Variants in ADCY8 observed in about 807,000 individuals in gnomAD.
The protein encoded by ADCY8 is adenylate cyclase 8, also known as adenylate cyclase type 8.
ADCY8 carries 51 observed loss-of-function variants against 119.7 expected under a neutral mutation model. The observed-to-expected ratio is 0.43, with a 90% CI of 0.34 to 0.54. The LOEUF (loss-of-function observed/expected upper bound fraction) is 0.54. Among genes scored for constraint, ADCY8 ranks in the 20% least tolerant of loss-of-function variants. The pLI is 0.03. For synonymous variants in ADCY8, 665 were observed against 651.0 expected (o/e 1.02, Z -0.33); for missense variants, 1,383 against 1,598.8 (o/e 0.87, Z 2.30).
intron 7 of ADCY8, among the ~76,000 whole-genome samples, chr8:130,887,853 T>A (rs2130473639): frequency 8.4e-6 from 1 of 119,580 alleles, no homozygotes; most frequent in East Asian, 2.7e-4. Context: ...ACATAAAAAA[T>A]CCATACACTG....
intron 5 of ADCY8, among the ~76,000 whole-genome samples, chr8:130,912,385 T>C (rs1008011818): frequency 6.6e-5 from 10 of 152,312 alleles, no homozygotes; most frequent in Admixed American, 5.9e-4. Context: ...TTTCTATTAA[T>C]GTTCATATAT....
intron 1 of ADCY8, among the ~76,000 whole-genome samples, chr8:131,022,458 T>A (rs1227449703): frequency 7.2e-5 from 11 of 152,232 alleles, no homozygotes. Context: ...GAACTCATCC[T>A]TTTTTATGGT....
chr8:130,833,383 T>C (rs1191487503), intron 12 of ADCY8, among the ~76,000 whole-genome samples: 1 of 152,202 alleles, frequency 6.6e-6, no homozygotes, highest in African/African-American at 2.4e-5. Flanking sequence ...TAGACATTAG[T>C]ATCTGAAGTT....
At chr8:130,799,960 C>T (rs1042441263) in intron 15 of ADCY8, among the ~76,000 whole-genome samples, 3 of 152,206 alleles carry the variant, frequency 2.0e-5, no homozygotes, top group Non-Finnish European at 4.4e-5. Context: ...GTTCACTAGA[C>T]TCATGGAGCC....
chr8:130,873,886 T>A (rs1455084304), intron 8 of ADCY8, among the ~76,000 whole-genome samples: 1 of 152,134 alleles, frequency 6.6e-6, no homozygotes, highest in Non-Finnish European at 1.5e-5. Flanking sequence ...ATTAATATAG[T>A]TGTAAAAGAA....
intron 1 of ADCY8, among the ~76,000 whole-genome samples, chr8:131,026,540 CA>C (rs1344698006): frequency 6.6e-6 from 1 of 152,160 alleles, no homozygotes; most frequent in Non-Finnish European, 1.5e-5. Flanking sequence ...TGCCAAACTC[CA>C]AAGCCTTTCC....
intron 8 of ADCY8, among the ~76,000 whole-genome samples, chr8:130,875,757 T>C (rs1818538316): frequency 6.6e-6 from 1 of 152,188 alleles, no homozygotes; most frequent in African/African-American, 2.4e-5. Context: ...TTAACTTTGA[T>C]TTTCTTTATA....
intron 12 of ADCY8, among the ~76,000 whole-genome samples, chr8:130,826,231 A>G (rs1365862925): frequency 6.6e-6 from 1 of 152,206 alleles, no homozygotes; most frequent in Non-Finnish European, 1.5e-5. Context: ...AAGGTTATCA[A>G]GATGTTTAAA....
chr8:130,903,025 A>G (rs73346456), intron 7 of ADCY8, among the ~76,000 whole-genome samples: 5,297 of 152,232 alleles, frequency 0.035, 137 homozygotes, highest in South Asian at 0.08. Context: ...GGGAGAACAG[A>G]ATCTCTGTGT....
In ADCY8 at chr8:130,780,733, A is replaced by G. The variant is rs1815049396; in HGVS notation, c.3413T>C (p.Leu1138Pro). Residue 1138 changes from leucine (L) to proline (P), a missense_variant, in exon 18 of 18, where the codon CTC (leucine) becomes CCC (proline). Around this residue, in one of 2 missense-constraint regions of ADCY8, gnomAD observed 928 missense variants for 1,163.5 expected, o/e 0.80. Coordinates refer to ENST00000286355, the MANE Select transcript of ADCY8 (RefSeq NM_001115.3). ...GGCAAAGCCCTGGTCCTTCAGGATG[A>G]GATAGGTCTCCTCTGGGACTTGGAT... ...GRIQVPEETY[L>P]ILKDQGFAFD... 6.2e-7 allele frequency: 1 copy of G among 1,614,040 alleles called. No homozygotes were observed. Among genetic ancestry groups the G allele is most frequent in the Non-Finnish European group, 8.5e-7 (1 of 1,180,032 alleles).
chr8:130,966,604 G>A (rs1821770418), intron 2 of ADCY8, among the ~76,000 whole-genome samples: 1 of 152,178 alleles, frequency 6.6e-6, no homozygotes, highest in South Asian at 2.1e-4. Context: ...AGCAAAGCAA[G>A]GAACCTGAAG....
At chr8:130,799,056 A>C (rs1329228842) in intron 15 of ADCY8, among the ~76,000 whole-genome samples, 1 of 152,162 alleles carries the variant, frequency 6.6e-6, no homozygotes, top group Admixed American at 6.5e-5. Flanking sequence ...AGTACATATG[A>C]CATCACTTAT....
chr8:130,842,182 G>A (rs758575036), intron 11 of ADCY8, among the ~76,000 whole-genome samples: 8 of 152,132 alleles, frequency 5.3e-5, no homozygotes, highest in Non-Finnish European at 1.2e-4. Context: ...CTTTTACTAT[G>A]CAATATGTTC....
chr8:130,919,041 C>T (rs778092180), intron 5 of ADCY8, among the ~76,000 whole-genome samples: 4 of 152,100 alleles, frequency 2.6e-5, no homozygotes, highest in Non-Finnish European at 4.4e-5. Context: ...CCAGCCTGGG[C>T]GACAGAGTGA....
chr8:130,879,928 G>C (rs1404682011), intron 8 of ADCY8, among the ~76,000 whole-genome samples: 1 of 152,136 alleles, frequency 6.6e-6, no homozygotes. Flanking sequence ...TTGTGGGAGG[G>C]ACCCAGTGGG....
chr8:130,807,983 CAAAAAAAAAAAAAAAAAAAAAAAA>C (rs752321769), intron 14 of ADCY8, among the ~76,000 whole-genome samples: 2 of 47,224 alleles, frequency 4.2e-5, no homozygotes, highest in Non-Finnish European at 7.9e-5. Context: ...GACTCCGTCT[CAAAAAAAAAAAAAAAAAAAAAAAA>C]AAAAAAAAAA....
chr8:130,887,324 C>T (rs1819026337), intron 7 of ADCY8, among the ~76,000 whole-genome samples: 1 of 152,134 alleles, frequency 6.6e-6, no homozygotes, highest in African/African-American at 2.4e-5. Context: ...TATGTGGTTG[C>T]TTCAAATGAG....
intron 8 of ADCY8, among the ~76,000 whole-genome samples, chr8:130,869,944 CT>C (rs1818280832): frequency 8.1e-6 from 1 of 124,132 alleles, no homozygotes; most frequent in African/African-American, 3.2e-5. Context: ...TCCTCCTCTT[CT>C]TCTTCTTCTT....
intron 1 of ADCY8, among the ~76,000 whole-genome samples, chr8:130,994,154 A>G (rs181366988): frequency 2.6e-5 from 4 of 152,344 alleles, no homozygotes; most frequent in Admixed American, 6.5e-5. Flanking sequence ...GATATTGGCT[A>G]TTGTTTCTGC....
Sources: allele counts gnomAD v4.1 joint callset (sites outside exome capture counted in the v4.1 genomes callset), GRCh38; gene constraint gnomAD v4.1.1; regional missense constraint gnomAD v4.1.1; transcripts MANE v1.5; gene names NCBI Gene and HGNC (gene_info 2026-07-23, HGNC 2026-07-21).